The following MALRD1 variants were observed in gnomAD, a reference collection of about 807,000 sequenced individuals.
MALRD1 encodes the protein MAM and LDL-receptor class A domain-containing protein 1.
A neutral mutation model predicts 242.1 loss-of-function variants in MALRD1; 247 were observed. The observed-to-expected ratio is 1.02, with a 90% CI of 0.92 to 1.13. The LOEUF (loss-of-function observed/expected upper bound fraction) is 1.13, where lower values mean the gene tolerates loss of function less well. MALRD1 is among the 50% of genes most tolerant of loss of function. MALRD1 has a pLI of 0.00. For synonymous variants in MALRD1, 995 were observed against 866.6 expected (o/e 1.15, Z -2.60); for missense variants, 2,989 against 2,533.1 (o/e 1.18, Z -3.86).
rs1294364934 is a variant in MALRD1, at chr10:19,207,511, GATTT to G, written c.2579-1756_2579-1753del. ...GATAAAGATTTTTGTTTGTTTGTTT[GATTT>G]TTTTAGAAAGAGTCTCCCTCTGTTG... is the stretch of plus-strand genomic sequence containing the variant. On this transcript the variant is annotated intron_variant, in intron 17 of 39. Transcript: ENST00000454679. 1.3e-4 allele frequency among the ~76,000 whole-genome samples: 14 copies of G among 106,460 alleles called. No individual in the cohort carries two copies. In the East Asian group the frequency reaches 2.2e-3, roughly 17 times the overall value. 69.8% of individuals were successfully genotyped at this position (106,460 alleles called of 152,430 possible). A position where few individuals can be genotyped will look rare whatever the true frequency, so the allele number is the denominator to read the frequency against.
At chr10:19,631,537 A>C (rs974159208) in intron 36 of MALRD1, among the ~76,000 whole-genome samples, 9 of 152,142 alleles carry the variant, frequency 5.9e-5, no homozygotes, top group Non-Finnish European at 1.3e-4. Context: ...ATCCAATGGT[A>C]GCTCTGTTTT....
At chr10:19,446,822 A>G (rs1835009605) in intron 28 of MALRD1, among the ~76,000 whole-genome samples, 1 of 152,088 alleles carries the variant, frequency 6.6e-6, no homozygotes, top group Non-Finnish European at 1.5e-5. Flanking sequence ...TCACATGCTT[A>G]TATCCTCTGG....
chr10:19,558,430 C>T (rs1208433046), intron 32 of MALRD1, among the ~76,000 whole-genome samples: 1 of 152,144 alleles, frequency 6.6e-6, no homozygotes, highest in Non-Finnish European at 1.5e-5. Flanking sequence ...AGTTCCCTAA[C>T]AGTTGTCATC....
At chr10:19,078,642 T>C (rs1159599113) in intron 2 of MALRD1, among the ~76,000 whole-genome samples, 1 of 151,856 alleles carries the variant, frequency 6.6e-6, no homozygotes, top group Non-Finnish European at 1.5e-5. Flanking sequence ...TAGTAAGCCT[T>C]TTGTGCTGGA....
At chr10:19,088,589 A>AT (rs1221146612) in intron 4 of MALRD1, among the ~76,000 whole-genome samples, 23 of 60,266 alleles carry the variant, frequency 3.8e-4, no homozygotes, top group African/African-American at 9.3e-4. Flanking sequence ...TTATTTATTT[A>AT]TTTTTTTTTA....
chr10:19,568,080 C>T (rs1249472412), intron 33 of MALRD1, among the ~76,000 whole-genome samples: 1 of 152,146 alleles, frequency 6.6e-6, no homozygotes, highest in Non-Finnish European at 1.5e-5. Context: ...AAGCTTTTCC[C>T]TTCCCCAGGC....
chr10:19,593,468 A>C (rs1161829376), intron 33 of MALRD1, among the ~76,000 whole-genome samples: 2 of 152,198 alleles, frequency 1.3e-5, no homozygotes, highest in African/African-American at 4.8e-5. Flanking sequence ...TATAACACAA[A>C]TTATTCTCAT....
chr10:19,574,398 A>G (rs1018111350), intron 33 of MALRD1, among the ~76,000 whole-genome samples: 8 of 152,192 alleles, frequency 5.3e-5, no homozygotes, highest in African/African-American at 1.9e-4. Flanking sequence ...CTATCAGATG[A>G]ATTTATATGT....
At chr10:19,343,631 C>A (rs1843980890) in intron 24 of MALRD1, among the ~76,000 whole-genome samples, 1 of 152,086 alleles carries the variant, frequency 6.6e-6, no homozygotes, top group Non-Finnish European at 1.5e-5. Flanking sequence ...GATCTTCTTT[C>A]TCTCAGCATC....
intron 36 of MALRD1, among the ~76,000 whole-genome samples, chr10:19,681,377 C>A (rs978155874): frequency 6.6e-6 from 1 of 151,998 alleles, no homozygotes; most frequent in Non-Finnish European, 1.5e-5. Context: ...TTTCTCTCAT[C>A]ATGTCTGCCT....
intron 12 of MALRD1, among the ~76,000 whole-genome samples, chr10:19,161,208 A>G (rs1435233240): frequency 1.5e-5 from 2 of 135,748 alleles, no homozygotes; most frequent in African/African-American, 2.7e-5. Flanking sequence ...TTGTAGGGAC[A>G]TGGATGAAAT....
intron 28 of MALRD1, among the ~76,000 whole-genome samples, chr10:19,440,459 A>G (rs1834575471): frequency 1.3e-5 from 2 of 151,946 alleles, no homozygotes; most frequent in African/African-American, 4.8e-5. Flanking sequence ...CTCATCATTT[A>G]CATTAGGTAT....
chr10:19,610,300 A>G (rs1214641568), intron 35 of MALRD1, among the ~76,000 whole-genome samples: 1 of 151,936 alleles, frequency 6.6e-6, no homozygotes, highest in African/African-American at 2.4e-5. Context: ...CCTACTGTGC[A>G]GTAGAACACC....
chr10:19,200,227 A>C (rs998774259), intron 14 of MALRD1, among the ~76,000 whole-genome samples: 2 of 152,238 alleles, frequency 1.3e-5, no homozygotes, highest in Non-Finnish European at 2.9e-5. Flanking sequence ...TTTTCACTCT[A>C]CATTTATGTT....
At chr10:19,459,638 A>G (rs565667932) in intron 29 of MALRD1, among the ~76,000 whole-genome samples, 1 of 152,164 alleles carries the variant, frequency 6.6e-6, no homozygotes, top group South Asian at 2.1e-4. Context: ...GGATGAATCT[A>G]ATTACTTTAA....
intron 31 of MALRD1, among the ~76,000 whole-genome samples, chr10:19,525,433 T>C (rs1012655025): frequency 2.6e-5 from 4 of 152,186 alleles, no homozygotes. Flanking sequence ...AGTATATATT[T>C]GGCACTCTGA....
chr10:19,134,350 C>T (rs569971327), intron 9 of MALRD1, among the ~76,000 whole-genome samples: 1 of 152,290 alleles, frequency 6.6e-6, no homozygotes, highest in East Asian at 1.9e-4. Context: ...GCTCTATGTA[C>T]ACCAAGAAAC....
chr10:19,062,648 A>G (rs966198673), intron 1 of MALRD1, among the ~76,000 whole-genome samples: 5 of 152,172 alleles, frequency 3.3e-5, no homozygotes, highest in African/African-American at 1.2e-4. Context: ...AACATACACT[A>G]TATGATTCCT....
At chr10:19,427,650 A>G (rs75317300) in intron 28 of MALRD1, among the ~76,000 whole-genome samples, 1,910 of 152,162 alleles carry the variant, frequency 0.013, 31 homozygotes, top group East Asian at 0.065. Flanking sequence ...CTGATCCTCA[A>G]TTTCCTTATT....
Sources: allele counts gnomAD v4.1 joint callset (sites outside exome capture counted in the v4.1 genomes callset), GRCh38; gene constraint gnomAD v4.1.1; transcripts MANE v1.5; gene names NCBI Gene and HGNC (gene_info 2026-07-23, HGNC 2026-07-21).